Variants in AKAP9 observed in about 807,000 individuals in gnomAD.
AKAP9 encodes A-kinase anchor protein 9.
A neutral mutation model predicts 488.5 loss-of-function variants in AKAP9; 311 were observed. The ratio of observed to expected loss-of-function variants is 0.64; its 90% confidence interval spans 0.58 to 0.70. The LOEUF (loss-of-function observed/expected upper bound fraction) is 0.70, where lower values mean the gene tolerates loss of function less well. AKAP9 is among the 30% of genes least tolerant of loss of function. AKAP9 has a pLI of 0.00. For synonymous variants in AKAP9, 1,462 were observed against 1,483.5 expected, an observed-to-expected ratio of 0.99 and a Z score of 0.33; for missense variants, 4,215 against 4,374.5, an observed-to-expected ratio of 0.96 and a Z score of 1.03.
chr7:92,001,738 G>T lies in AKAP9; in HGVS notation c.1821G>T (p.Lys607Asn), dbSNP rs747117357. ...KIKLEMLEKE[K>N]NAVLDRMAES... ...AACTTGAAATGTTAGAAAAAGAAAA[G>T]AATGCTGTGTTAGACAGAATGGCTG... Residue 607 changes from lysine (K) to asparagine (N), a missense_variant, in exon 8 of 50, where the codon AAG (lysine) becomes AAT (asparagine). Lys to Asn is a moderately conservative substitution (Grantham distance 94). Transcript: ENST00000356239. 6.2e-7 allele frequency: 1 copy of T among 1,613,002 alleles called. No individual in the cohort carries two copies. The highest frequency in any genetic ancestry group is 1.1e-5 in the South Asian group (1 of 90,866).
intron 39 of AKAP9, 24 bp downstream of exon 39, chr7:92,093,340 A>C (rs772064634): frequency 1.8e-5 from 28 of 1,598,672 alleles, no homozygotes; most frequent in Non-Finnish European, 2.4e-5. Flanking sequence ...CCTTATTAAA[A>C]ACATGTAACA....
chr7:92,097,206 AGC>A lies in AKAP9; in HGVS notation c.10250_10251del (p.Arg3417ProfsTer11). On this transcript the variant is annotated frameshift_variant, in exon 41 of 50. Transcript: ENST00000356239. LOFTEE classifies it high-confidence loss of function. ...CTCCAGTCCAAAGTGGAAGATCTTCAGCGCCAGCTGGAAGAGAAAAGACAACA... is the reference window on the plus strand; with the variant it reads ...CTCCAGTCCAAAGTGGAAGATCTTCAGCCAGCTGGAAGAGAAAAGACAACA... The A allele has an allele frequency of 2.5e-6, 4 of 1,612,710 alleles. No homozygotes were observed. The highest frequency in any genetic ancestry group is 3.4e-6 in the Non-Finnish European group (4 of 1,179,634).
At chr7:92,092,418 A>G (rs1815788775) in intron 38 of AKAP9, 2 of 152,210 alleles carry the variant, frequency 1.3e-5, no homozygotes, top group Admixed American at 1.3e-4. Flanking sequence ...TAACTCCTCC[A>G]AATACTTTGT....
chr7:92,051,486 A>T (rs1807974741), intron 21 of AKAP9, among the ~76,000 whole-genome samples: 1 of 152,232 alleles, frequency 6.6e-6, no homozygotes, highest in Admixed American at 6.5e-5. Context: ...CTTAAGAATT[A>T]GATAAACCTG....
intron 21 of AKAP9, among the ~76,000 whole-genome samples, chr7:92,052,368 G>C (rs1173837104): frequency 1.3e-5 from 2 of 152,088 alleles, no homozygotes; most frequent in South Asian, 2.1e-4. Context: ...GTCGTCAAGG[G>C]TTGGAGCCAG....
chr7:92,009,871 T>C (rs184147378), intron 8 of AKAP9, among the ~76,000 whole-genome samples: 1 of 152,222 alleles, frequency 6.6e-6, no homozygotes, highest in African/African-American at 2.4e-5. Flanking sequence ...ATATGATAAA[T>C]TTTATTTTTT....
Position 92,037,943 on chromosome 7 carries a change from TCTTAA to T in AKAP9, c.4339-472_4339-468del, listed in dbSNP as rs367594153. Among the ~76,000 whole-genome samples the T allele has an allele frequency of 2.4e-3, 367 of 152,344 alleles. 3 individuals carry two copies. The highest frequency in any genetic ancestry group is 8.4e-3 in the African/African-American group (350 of 41,578). ...AATTACATAGAAATGTATTTCTATTTCTTAACTTGAAGAGGTATTTACTATAGTTA... is the reference window on the plus strand; with the variant it reads ...AATTACATAGAAATGTATTTCTATTTCTTGAAGAGGTATTTACTATAGTTA... On this transcript the variant is annotated intron_variant, in intron 16 of 49. Coordinates refer to ENST00000356239, the MANE Select transcript of AKAP9 (RefSeq NM_005751.5).
chr7:92,103,516 C>G (rs1817969855), intron 46 of AKAP9, among the ~76,000 whole-genome samples: 1 of 150,558 alleles, frequency 6.6e-6, no homozygotes, highest in Non-Finnish European at 1.5e-5. Flanking sequence ...TATGCTGAAA[C>G]CCCATCTCTG....
chr7:92,102,476 T>C (rs1430017421), intron 45 of AKAP9, 118 bp from the exon 46 acceptor site: 1 of 716,086 alleles, frequency 1.4e-6, no homozygotes, highest in Non-Finnish European at 2.5e-6. Context: ...CTACTACTAC[T>C]ACTACTACTA....
chr7:91,942,985 A>G (rs2130431595), intron 1 of AKAP9, among the ~76,000 whole-genome samples: 1 of 152,136 alleles, frequency 6.6e-6, no homozygotes, highest in East Asian at 1.9e-4. Context: ...TGACACCAGG[A>G]GTTCAAGACC....
chr7:92,026,839 G>A (rs1488576890), intron 14 of AKAP9, among the ~76,000 whole-genome samples: 1 of 151,200 alleles, frequency 6.6e-6, no homozygotes, highest in East Asian at 2.0e-4. Context: ...CCCCGTCTGG[G>A]AAGTGAGGAG....
At chr7:92,075,241 T>C (rs1440170633) in intron 28 of AKAP9, among the ~76,000 whole-genome samples, 1 of 152,208 alleles carries the variant, frequency 6.6e-6, no homozygotes, top group Non-Finnish European at 1.5e-5. Flanking sequence ...TAAACTGTTG[T>C]ATAAAAAAAG....
chr7:92,102,641 C>T lies in AKAP9; in HGVS notation c.11145C>T (p.Leu3715=), dbSNP rs1481644748. The T allele has an allele frequency of 6.2e-7, 1 of 1,614,230 alleles. No individual in the cohort carries two copies. Among genetic ancestry groups the T allele is most frequent in the Non-Finnish European group, 8.5e-7 (1 of 1,180,050 alleles). The change falls in exon 46 of 50, where the codon CTC becomes CTT. Residue 3715 remains leucine (L), a synonymous_variant. Coordinates refer to ENST00000356239, the MANE Select transcript of AKAP9 (RefSeq NM_005751.5). ...GGGCAGAAAGTTTTCGAAAGGCTCT[C>T]ATTTACCAGAAGAAATACCTGCTGC... The part of the protein sequence containing the change: ...YLRAESFRKA[L]IYQKKYLLLL...
chr7:92,099,997 A>T, intron 44 of AKAP9, 128 bp downstream of exon 44: 1 of 801,196 alleles, frequency 1.2e-6, no homozygotes, highest in Admixed American at 2.1e-5. Flanking sequence ...TCTGTAGAAA[A>T]TTTTATAGGG....
chr7:92,006,166 T>C (rs188236029), intron 8 of AKAP9, among the ~76,000 whole-genome samples: 59 of 151,828 alleles, frequency 3.9e-4, no homozygotes, highest in African/African-American at 8.7e-4. Context: ...TTTTCTTTTT[T>C]TTTTGAGACA....
rs780623014 is a variant in AKAP9, at chr7:91,993,032, T to G, written c.553T>G (p.Tyr185Asp). ...NRELEEMRVT[Y>D]GTEGLQQLQE... ...AGAGCTGGAAGAAATGAGGGTTACC[T>G]ATGGGACTGAAGGACTGCAGCAGGT... Residue 185 changes from tyrosine (Y) to aspartate (D), a missense_variant, in exon 5 of 50, where the codon TAT becomes GAT. Tyr to Asp is a radical substitution (Grantham distance 160). Around this residue, in one of 5 missense-constraint regions of AKAP9, gnomAD observed 2,361 missense variants for 2,430.0 expected, o/e 0.97. Transcript: ENST00000356239. 6.2e-7 allele frequency: 1 copy of G among 1,614,048 alleles called. No individual in the cohort carries two copies. The highest frequency in any genetic ancestry group is 1.7e-5 in the Admixed American group (1 of 60,016).
intron 20 of AKAP9, among the ~76,000 whole-genome samples, chr7:92,044,298 G>A (rs1056726717): frequency 1.3e-5 from 2 of 152,036 alleles, no homozygotes; most frequent in African/African-American, 2.4e-5. Flanking sequence ...TTGAAAACAG[G>A]TTTCTTCTGC....
intron 1 of AKAP9, among the ~76,000 whole-genome samples, chr7:91,951,384 G>T (rs192412364): frequency 1.3e-5 from 2 of 151,894 alleles, no homozygotes; most frequent in Non-Finnish European, 2.9e-5. Context: ...GAGTGTGGTG[G>T]CATGATCACG....
At chr7:91,995,925 A>C in intron 7 of AKAP9, 125 bp downstream of exon 7, 2 of 717,104 alleles carry the variant, frequency 2.8e-6, no homozygotes, top group Non-Finnish European at 4.6e-6. Context: ...TCTTTGTGTA[A>C]TTTATTTCAA....
Sources: allele counts gnomAD v4.1 joint callset (sites outside exome capture counted in the v4.1 genomes callset), GRCh38; gene constraint gnomAD v4.1.1; regional missense constraint gnomAD v4.1.1; transcripts MANE v1.5; gene names NCBI Gene and HGNC (gene_info 2026-07-23, HGNC 2026-07-21).